CSMD2: variants seen among roughly 807,000 people sequenced by gnomAD.
CSMD2 encodes the protein CUB and sushi domain-containing protein 2.
CSMD2 carries 130 observed loss-of-function variants against 398.5 expected under a neutral mutation model. The ratio of observed to expected loss-of-function variants is 0.33; its 90% CI spans 0.28 to 0.38. The LOEUF is 0.38. Ranked by LOEUF, CSMD2 falls within the 10% of genes least tolerant of loss-of-function variation. CSMD2 has a pLI of 1.00. For synonymous variants in CSMD2, 1,828 were observed against 1,908.5 expected, an observed-to-expected ratio of 0.96 and a Z score of 1.10; for missense variants, 3,829 against 4,764.9, an observed-to-expected ratio of 0.80 and a Z score of 5.78.
intron 6 of CSMD2, chr1:33,839,014 T>A (rs1660584536): frequency 6.6e-6 from 1 of 152,268 alleles, no homozygotes; most frequent in Non-Finnish European, 1.5e-5. Flanking sequence ...TGAAGAGATT[T>A]CTCCATTTAC....
intron 21 of CSMD2, among the ~76,000 whole-genome samples, chr1:33,714,216 C>T (rs1404955988): frequency 6.6e-6 from 1 of 152,186 alleles, no homozygotes; most frequent in Non-Finnish European, 1.5e-5. Flanking sequence ...TCCTACAGGC[C>T]CACCTAGTGC....
chr1:34,158,612 T>C (rs1029848630), intron 1 of CSMD2, among the ~76,000 whole-genome samples: 1 of 152,170 alleles, frequency 6.6e-6, no homozygotes, highest in African/African-American at 2.4e-5. Context: ...GCAGAGTGTA[T>C]GAATTGTTTC....
chr1:33,830,644 G>A (rs1659432006), intron 6 of CSMD2, among the ~76,000 whole-genome samples: 1 of 152,160 alleles, frequency 6.6e-6, no homozygotes, highest in South Asian at 2.1e-4. Context: ...ACCAGCAACG[G>A]AACAAAGCTG....
Position 34,164,624 on chromosome 1 carries a change from C to A in CSMD2, c.187+287G>T, listed in dbSNP as rs942360872. ...AGCCACAGACCAGGTGCCCCGCAAC[C>A]CCGGGCGGGGATGTCTGTCTCCCAG... On this transcript the variant is annotated intron_variant, in intron 1 of 70. Coordinates refer to ENST00000373381, the MANE Select transcript of CSMD2 (RefSeq NM_001281956.2). This position sits in a 1 kb window ranked among gnomAD's most constrained non-coding sequence, Gnocchi z 6.2. Among the ~76,000 whole-genome samples, 1 of 152,070 alleles carries A rather than the reference C, an allele frequency of 6.6e-6. No homozygotes were observed. Among genetic ancestry groups the A allele is most frequent in the African/African-American group, 2.4e-5 (1 of 41,410 alleles).
intron 62 of CSMD2, among the ~76,000 whole-genome samples, chr1:33,535,686 A>G (rs191156221): frequency 6.6e-6 from 1 of 152,294 alleles, no homozygotes; most frequent in African/African-American, 2.4e-5. Context: ...ACTCTTGACT[A>G]CATTTCCTTA....
chr1:33,541,404 G>A, intron 58 of CSMD2, 95 bp from the exon 59 acceptor site: 2 of 922,966 alleles, frequency 2.2e-6, no homozygotes, highest in African/African-American at 3.2e-5. Flanking sequence ...CATCCAAGAA[G>A]GGAAACTGTC....
chr1:33,820,353 TC>T (rs1249933516), intron 8 of CSMD2, 115 bp downstream of exon 8: 16 of 742,522 alleles, frequency 2.2e-5, no homozygotes, highest in Non-Finnish European at 3.9e-5. Context: ...AAGTGTCTGT[TC>T]CTATATCCAT....
At chr1:33,955,195 A>C (rs1050653090) in intron 3 of CSMD2, among the ~76,000 whole-genome samples, 4 of 152,140 alleles carry the variant, frequency 2.6e-5, no homozygotes, top group African/African-American at 9.7e-5. Context: ...GAGCTGCCAG[A>C]GATGGAATGT....
chr1:33,953,773 G>A (rs1645078374), intron 3 of CSMD2, among the ~76,000 whole-genome samples: 1 of 152,174 alleles, frequency 6.6e-6, no homozygotes, highest in South Asian at 2.1e-4. Context: ...GGCCTTGCCT[G>A]TTCAAGCTGA....
At chr1:33,918,838 T>C (rs895412603) in intron 4 of CSMD2, among the ~76,000 whole-genome samples, 2 of 152,164 alleles carry the variant, frequency 1.3e-5, no homozygotes, top group African/African-American at 2.4e-5. Context: ...GGAAATTTAT[T>C]TTTTTTAAGG....
At position 33,935,790 on chromosome 1, in the gene CSMD2, T is replaced by C; in HGVS notation, c.682A>G (p.Thr228Ala). The C allele has an allele frequency of 1.9e-6, 3 of 1,612,136 alleles. No homozygotes were observed. The highest frequency in any genetic ancestry group is 2.5e-6 in the Non-Finnish European group (3 of 1,178,986). ...CAGGAAGGCAGGGGGAAGTCCCACG[T>C]GGCGCTGTTCTCAGAGCCAGCGTGG... ...TCHAGSENSA[T>A]WDFPLPSCRA... The change falls in exon 4 of 71, where the codon ACG (threonine) becomes GCG (alanine). Residue 228 changes from threonine (T) to alanine (A), a missense_variant. By Grantham distance (58) the Thr-to-Ala change is moderately conservative (BLOSUM62 0). Coordinates refer to ENST00000373381, the MANE Select transcript of CSMD2 (RefSeq NM_001281956.2).
At chr1:33,776,326 C>T (rs908753573) in intron 12 of CSMD2, among the ~76,000 whole-genome samples, 4 of 152,142 alleles carry the variant, frequency 2.6e-5, no homozygotes, top group Non-Finnish European at 5.9e-5. Context: ...GTCCTTCCCT[C>T]AAGACTGCAG....
At chr1:33,544,987 T>C (rs1656739126) in intron 57 of CSMD2, among the ~76,000 whole-genome samples, 1 of 152,102 alleles carries the variant, frequency 6.6e-6, no homozygotes, top group Non-Finnish European at 1.5e-5. Context: ...GGTAGCAAAA[T>C]GAGCTTGAAC....
At chr1:33,973,235 C>T (rs2147926769) in intron 3 of CSMD2, among the ~76,000 whole-genome samples, 1 of 152,302 alleles carries the variant, frequency 6.6e-6, no homozygotes, top group Non-Finnish European at 1.5e-5. Context: ...TGTCCCCAAG[C>T]TGTGTTGACA....
chr1:33,831,571 A>C (rs1179003833), intron 6 of CSMD2, among the ~76,000 whole-genome samples: 11 of 152,174 alleles, frequency 7.2e-5, no homozygotes, highest in African/African-American at 1.9e-4. Flanking sequence ...CAAAATGTAA[A>C]GACCATCGAG....
intron 10 of CSMD2, chr1:33,804,752 G>A (rs762154725): frequency 5.6e-6 from 4 of 717,290 alleles, no homozygotes; most frequent in African/African-American, 1.7e-5. Context: ...TCACCTGTAG[G>A]CCAGTTCCAT....
chr1:33,799,564 T>C (rs934281109), intron 10 of CSMD2, among the ~76,000 whole-genome samples: 4 of 152,332 alleles, frequency 2.6e-5, no homozygotes, highest in African/African-American at 9.6e-5. Context: ...AGTGTGGCAA[T>C]GTATGTATCT....
At position 33,633,840 on chromosome 1, in the gene CSMD2, T is replaced by C. The variant is rs1425572630; in HGVS notation, c.5087-305A>G. 1.3e-5 allele frequency among the ~76,000 whole-genome samples: 2 copies of C among 152,172 alleles called. No homozygotes were observed. The highest frequency in any genetic ancestry group is 1.9e-4 in the East Asian group (1 of 5,166). On this transcript the variant is annotated intron_variant, in intron 31 of 70. Transcript: ENST00000373381. This position sits in a 1 kb window ranked among gnomAD's most constrained non-coding sequence, Gnocchi z 5.0. ...GAGCCAACTTTGTTCCTTTCCCAGA[T>C]AGCAGCTGCAGCAGCTATCTGGAGG...
chr1:33,759,552 C>G (rs1649544794), intron 13 of CSMD2, among the ~76,000 whole-genome samples: 1 of 151,966 alleles, frequency 6.6e-6, no homozygotes, highest in Non-Finnish European at 1.5e-5. Flanking sequence ...GTCTCGATCT[C>G]CTGACCTCGT....
Sources: allele counts gnomAD v4.1 joint callset (sites outside exome capture counted in the v4.1 genomes callset), GRCh38; gene constraint gnomAD v4.1.1; non-coding constraint Gnocchi (gnomAD v3.1); transcripts MANE v1.5; gene names NCBI Gene and HGNC (gene_info 2026-07-23, HGNC 2026-07-21).